Variants in MEMO1 observed in about 807,000 individuals in gnomAD.
MEMO1 encodes protein MEMO1.
In MEMO1, 6 loss-of-function variants were observed where a neutral mutation model predicts 45.2. The ratio of observed to expected loss-of-function variants is 0.13; its 90% confidence interval spans 0.07 to 0.26. The LOEUF (loss-of-function observed/expected upper bound fraction) is 0.26. MEMO1 is among the 10% of genes least tolerant of loss of function. The probability of loss-of-function intolerance (pLI) is 1.00; values close to 1 mark genes in which losing one functional copy is unlikely to be tolerated. For missense variants in MEMO1, 184 were observed against 370.5 expected (o/e 0.50, Z 4.13); for synonymous variants, 78 against 124.3 (o/e 0.63, Z 2.48).
intron 3 of MEMO1, among the ~76,000 whole-genome samples, chr2:31,938,786 ATTTTT>A (rs398042391): frequency 7.2e-6 from 1 of 138,790 alleles, no homozygotes. Flanking sequence ...ATAGAACAAT[ATTTTT>A]TTTTTTTTTT....
At chr2:31,983,812 G>A (rs934381209) in intron 2 of MEMO1, among the ~76,000 whole-genome samples, 2 of 152,194 alleles carry the variant, frequency 1.3e-5, no homozygotes, top group Non-Finnish European at 2.9e-5. Context: ...TCTACCCACA[G>A]GGCAGGAAAA....
chr2:32,006,964 C>CAAAAAAAAAAAAAAAAAAAAAAAAAAA (rs67557055), intron 2 of MEMO1, among the ~76,000 whole-genome samples: 2 of 75,970 alleles, frequency 2.6e-5, no homozygotes, highest in African/African-American at 5.0e-5. Flanking sequence ...GATTCCATCT[C>CAAAAAAAAAAAAAAAAAAAAAAAAAAA]AAAAAAAAAA....
At chr2:31,987,502 T>G (rs1023265594) in intron 2 of MEMO1, among the ~76,000 whole-genome samples, 1 of 152,252 alleles carries the variant, frequency 6.6e-6, no homozygotes, top group African/African-American at 2.4e-5. Context: ...TTGTAAATAT[T>G]ATTTAATACA....
intron 3 of MEMO1, among the ~76,000 whole-genome samples, chr2:31,940,704 G>A (rs951676611): frequency 2.6e-5 from 4 of 152,014 alleles, no homozygotes; most frequent in African/African-American, 9.7e-5. Context: ...ATCACATCCA[G>A]CTAATTTTTG....
intron 8 of MEMO1, among the ~76,000 whole-genome samples, chr2:31,876,098 A>G (rs1674519907): frequency 6.6e-6 from 1 of 152,104 alleles, no homozygotes. Flanking sequence ...TACTTATATA[A>G]AGTTCTTACC....
chr2:31,917,514 T>C (rs1362740849), intron 6 of MEMO1, among the ~76,000 whole-genome samples: 1 of 152,188 alleles, frequency 6.6e-6, no homozygotes, highest in Non-Finnish European at 1.5e-5. Flanking sequence ...GAGATTCATG[T>C]ACCTTGCACA....
intron 2 of MEMO1, among the ~76,000 whole-genome samples, chr2:32,009,639 G>A (rs903098863): frequency 1.3e-5 from 2 of 152,070 alleles, no homozygotes; most frequent in Admixed American, 1.3e-4. Context: ...GGGGCAGACC[G>A]AGAGAACTCC....
intron 7 of MEMO1, 117 bp downstream of exon 7, chr2:31,891,875 A>C (rs1174851996): frequency 9.5e-7 from 1 of 1,054,108 alleles, no homozygotes; most frequent in Non-Finnish European, 1.4e-6. Flanking sequence ...CTGCTGCCAG[A>C]AGTAAAACTT....
At chr2:31,963,293 G>C in intron 2 of MEMO1, 2 of 1,509,336 alleles carry the variant, frequency 1.3e-6, no homozygotes, top group Non-Finnish European at 8.9e-7. Context: ...CAGATCTACA[G>C]ATAGGGATAC....
At chr2:31,869,686 C>T (rs552969377) in intron 9 of MEMO1, among the ~76,000 whole-genome samples, 162 bp downstream of exon 9, 2 of 151,944 alleles carry the variant, frequency 1.3e-5, no homozygotes, top group East Asian at 3.9e-4. Context: ...TAACTTTATT[C>T]AAGTAACCAA....
intron 6 of MEMO1, among the ~76,000 whole-genome samples, chr2:31,905,483 G>A (rs1258160375): frequency 6.6e-6 from 1 of 152,058 alleles, no homozygotes; most frequent in African/African-American, 2.4e-5. Flanking sequence ...CTAAGAAAGG[G>A]CATACTTCAG....
chr2:31,903,118 AAT>A (rs1484259149), intron 6 of MEMO1, among the ~76,000 whole-genome samples: 1 of 152,184 alleles, frequency 6.6e-6, no homozygotes, highest in African/African-American at 2.4e-5. Context: ...GAAATATACA[AAT>A]ACTTATTTGC....
chr2:31,923,400 G>T (rs1048148191), intron 4 of MEMO1: 13 of 322,054 alleles, frequency 4.0e-5, no homozygotes, highest in African/African-American at 2.8e-4. Flanking sequence ...TATTAGCACT[G>T]CTAATCCTCA....
chr2:31,963,407 A>G, intron 2 of MEMO1: 1 of 969,934 alleles, frequency 1.0e-6, no homozygotes, highest in South Asian at 5.0e-5. Flanking sequence ...AAGCAAGGAA[A>G]GCTAAAATAT....
chr2:31,895,934 C>T (rs754848487), intron 6 of MEMO1, among the ~76,000 whole-genome samples: 1 of 151,434 alleles, frequency 6.6e-6, no homozygotes, highest in Non-Finnish European at 1.5e-5. Flanking sequence ...GCTCCGCCCC[C>T]CGGGGTTCAC....
chr2:31,930,684 T>C (rs527270888), intron 4 of MEMO1, among the ~76,000 whole-genome samples: 1 of 152,182 alleles, frequency 6.6e-6, no homozygotes, highest in African/African-American at 2.4e-5. Context: ...TCTTGCTCTG[T>C]TGCCAAGCTG....
chr2:31,972,467 T>G (rs941157257), intron 2 of MEMO1, among the ~76,000 whole-genome samples: 12 of 152,124 alleles, frequency 7.9e-5, no homozygotes, highest in African/African-American at 2.4e-4. Flanking sequence ...TCCCAGCACT[T>G]TGGGAGGCCG....
At chr2:31,920,256 C>A (rs1468008813) in intron 5 of MEMO1, among the ~76,000 whole-genome samples, 1 of 151,748 alleles carries the variant, frequency 6.6e-6, no homozygotes, top group Non-Finnish European at 1.5e-5. Context: ...AAACGTGACT[C>A]TGGACGCCTA....
At chr2:31,974,891 C>T (rs990878312) in intron 2 of MEMO1, among the ~76,000 whole-genome samples, 3 of 152,064 alleles carry the variant, frequency 2.0e-5, no homozygotes, top group Non-Finnish European at 4.4e-5. Context: ...AAAAAATTGG[C>T]AGGGCGCAGT....
Sources: allele counts gnomAD v4.1 joint callset (sites outside exome capture counted in the v4.1 genomes callset), GRCh38; gene constraint gnomAD v4.1.1; transcripts MANE v1.5; gene names NCBI Gene and HGNC (gene_info 2026-07-23, HGNC 2026-07-21).